The following FNDC3B variants were observed in gnomAD, a reference collection of about 807,000 sequenced individuals.
FNDC3B encodes fibronectin type III domain-containing protein 3B.
In FNDC3B, 12 loss-of-function variants were observed where a neutral mutation model predicts 151.5. That is an observed-to-expected ratio of 0.08 (90% CI 0.05 to 0.13). FNDC3B has a LOEUF of 0.13. Among genes scored for constraint, FNDC3B ranks in the 10% least tolerant of loss-of-function variants. The probability of loss-of-function intolerance (pLI) is 1.00; values close to 1 mark genes in which losing one functional copy is unlikely to be tolerated. For missense variants in FNDC3B, 1,214 were observed against 1,505.3 expected, an observed-to-expected ratio of 0.81 and a Z score of 3.20; for synonymous variants, 528 against 549.0, an observed-to-expected ratio of 0.96 and a Z score of 0.54.
At chr3:172,175,746 T>C (rs1426299523) in intron 3 of FNDC3B, among the ~76,000 whole-genome samples, 1 of 152,162 alleles carries the variant, frequency 6.6e-6, no homozygotes, top group African/African-American at 2.4e-5. Context: ...ATGATTACCA[T>C]AGTAAGTGAG....
intron 3 of FNDC3B, among the ~76,000 whole-genome samples, chr3:172,212,209 A>C (rs1725765264): frequency 6.6e-6 from 1 of 152,248 alleles, no homozygotes; most frequent in Non-Finnish European, 1.5e-5. Flanking sequence ...ATTCAATTAA[A>C]TATCCATTAA....
intron 22 of FNDC3B, among the ~76,000 whole-genome samples, chr3:172,353,873 AC>A (rs1432742946): frequency 4.6e-5 from 7 of 152,144 alleles, no homozygotes; most frequent in Admixed American, 2.0e-4. Flanking sequence ...GGAGAATGCC[AC>A]CTTTTCCTTA....
At chr3:172,391,977 C>G (rs1240882323) in intron 25 of FNDC3B, among the ~76,000 whole-genome samples, 2 of 136,580 alleles carry the variant, frequency 1.5e-5, no homozygotes, top group Non-Finnish European at 3.1e-5. Flanking sequence ...TAAAAGCTAT[C>G]TTTAAAGAAA....
intron 21 of FNDC3B, among the ~76,000 whole-genome samples, chr3:172,347,888 G>C (rs1381936704): frequency 6.6e-6 from 1 of 152,204 alleles, no homozygotes; most frequent in Non-Finnish European, 1.5e-5. Flanking sequence ...TGGGAGTCCA[G>C]ATAGAATAAC....
intron 25 of FNDC3B, among the ~76,000 whole-genome samples, chr3:172,392,781 A>G (rs1736071566): frequency 7.6e-6 from 1 of 131,368 alleles, no homozygotes; most frequent in Non-Finnish European, 1.7e-5. Flanking sequence ...AAGACAAAGT[A>G]ACTGAATGAA....
intron 3 of FNDC3B, among the ~76,000 whole-genome samples, chr3:172,152,578 CTT>C (rs10662326): frequency 5.6e-5 from 7 of 125,794 alleles, no homozygotes; most frequent in East Asian, 2.1e-4. Flanking sequence ...ATGGGAAGGG[CTT>C]TTTTTTTTTT....
At chr3:172,306,037 G>A (rs1173461034) in intron 9 of FNDC3B, among the ~76,000 whole-genome samples, 2 of 152,148 alleles carry the variant, frequency 1.3e-5, no homozygotes, top group Admixed American at 6.5e-5. Flanking sequence ...TATGTAATAT[G>A]TATGTATTTT....
Position 172,341,144 on chromosome 3 carries a change from G to C in FNDC3B, c.1884G>C (p.Ser628=). 1 of 1,614,054 alleles carries C rather than the reference G, an allele frequency of 6.2e-7. No homozygotes were observed. Among genetic ancestry groups the C allele is most frequent in the Non-Finnish European group, 8.5e-7 (1 of 1,179,944 alleles). ...ANQWEVAYSG[S]ATEYTFTHLK... Reference sequence around the variant, plus strand: ...AGTGGGAAGTGGCCTACAGTGGGTCGGCTACCGAATACACCTTCACCCACT... The same window carrying C: ...AGTGGGAAGTGGCCTACAGTGGGTCCGCTACCGAATACACCTTCACCCACT... The change falls in exon 17 of 26, where the codon TCG becomes TCC. Residue 628 remains serine (S), a synonymous_variant. Coordinates refer to ENST00000415807, the MANE Select transcript of FNDC3B (RefSeq NM_022763.4).
chr3:172,241,576 G>A (rs1211852825), intron 4 of FNDC3B, among the ~76,000 whole-genome samples: 1 of 149,402 alleles, frequency 6.7e-6, no homozygotes, highest in Non-Finnish European at 1.5e-5. Context: ...AAAAAAAAAA[G>A]AGCTTGTGCA....
chr3:172,120,492 A>G (rs1720478924), intron 2 of FNDC3B, among the ~76,000 whole-genome samples: 2 of 152,100 alleles, frequency 1.3e-5, no homozygotes, highest in South Asian at 2.1e-4. Flanking sequence ...TGGATGAAGG[A>G]TGAAGGCAAT....
chr3:172,325,049 G>A (rs1267992386), intron 11 of FNDC3B, among the ~76,000 whole-genome samples: 4 of 152,204 alleles, frequency 2.6e-5, no homozygotes, highest in African/African-American at 4.8e-5. Context: ...CACACCACAA[G>A]TGGCCTAGCA....
chr3:172,317,269 T>C (rs1434353493), intron 11 of FNDC3B: 2 of 384,934 alleles, frequency 5.2e-6, no homozygotes, highest in Non-Finnish European at 1.0e-5. Context: ...CTGCAACGTC[T>C]GCCTCCCGGG....
At chr3:172,125,495 A>G (rs1218586944) in intron 2 of FNDC3B, among the ~76,000 whole-genome samples, 1 of 152,124 alleles carries the variant, frequency 6.6e-6, no homozygotes, top group Non-Finnish European at 1.5e-5. Context: ...GAGGTAGTAG[A>G]GGTTCCTCCC....
intron 3 of FNDC3B, among the ~76,000 whole-genome samples, chr3:172,143,783 C>A (rs990618849): frequency 2.2e-4 from 34 of 152,088 alleles, no homozygotes; most frequent in African/African-American, 7.7e-4. Context: ...GTGGCACACA[C>A]CTGTAGTCCC....
chr3:172,181,408 A>AAC (rs1553769938), intron 3 of FNDC3B, among the ~76,000 whole-genome samples: 28 of 145,112 alleles, frequency 1.9e-4, no homozygotes, highest in Admixed American at 3.6e-4. Flanking sequence ...AAAAAAAAAA[A>AAC]AAAAAACAAA....
Position 172,391,057 on chromosome 3 carries a change from G to A in FNDC3B, c.3304-6107G>A, listed in dbSNP as rs78251687. Among the ~76,000 whole-genome samples, 782 of 152,228 alleles carry A rather than the reference G, an allele frequency of 5.1e-3. 9 individuals carry two copies. The highest frequency in any genetic ancestry group is 0.051 in the Middle Eastern group (15 of 294). On this transcript the variant is annotated intron_variant, in intron 25 of 25. Transcript: ENST00000415807. ...CAATAATGGAACAGGCAGAGCTGGG[G>A]CAATTTCAGTGGTGAGGGTCGGTGT...
At chr3:172,374,111 C>T (rs1416313741) in intron 23 of FNDC3B, among the ~76,000 whole-genome samples, 3 of 152,220 alleles carry the variant, frequency 2.0e-5, no homozygotes, top group African/African-American at 7.2e-5. Flanking sequence ...CTGTACTTCA[C>T]TGGCAGGACC....
chr3:172,233,774 AAGG>A (rs1727001842), intron 4 of FNDC3B, among the ~76,000 whole-genome samples: 1 of 152,218 alleles, frequency 6.6e-6, no homozygotes, highest in South Asian at 2.1e-4. Context: ...GGTGGCCAAT[AAGG>A]AGAATTGGAT....
In FNDC3B at chr3:172,040,109, C is replaced by T. The variant is rs1157079498; in HGVS notation, c.-29+338C>T. ...ATTGGGCAGTGGCTCGCGGCCTCCCCCCACCCCCAGCCTTCCCAGCAGATT... is the reference window on the plus strand; with the variant it reads ...ATTGGGCAGTGGCTCGCGGCCTCCCTCCACCCCCAGCCTTCCCAGCAGATT... On this transcript the variant is annotated intron_variant, in intron 1 of 25. Coordinates refer to ENST00000415807, the MANE Select transcript of FNDC3B (RefSeq NM_022763.4). This position sits in a 1 kb window ranked among gnomAD's most constrained non-coding sequence, Gnocchi z 6.6. 6.6e-6 allele frequency among the ~76,000 whole-genome samples: 1 copy of T among 152,174 alleles called. No individual in the cohort carries two copies. Among genetic ancestry groups the T allele is most frequent in the African/African-American group, 2.4e-5 (1 of 41,456 alleles).
Sources: allele counts gnomAD v4.1 joint callset (sites outside exome capture counted in the v4.1 genomes callset), GRCh38; gene constraint gnomAD v4.1.1; non-coding constraint Gnocchi (gnomAD v3.1); transcripts MANE v1.5; gene names NCBI Gene and HGNC (gene_info 2026-07-23, HGNC 2026-07-21).